KIF21A: variants seen among roughly 807,000 people sequenced by gnomAD.
KIF21A encodes the protein kinesin-like protein KIF21A.
KIF21A carries 114 observed loss-of-function variants against 202.9 expected under a neutral mutation model. The observed-to-expected ratio is 0.56, with a 90% CI of 0.48 to 0.66. The LOEUF (loss-of-function observed/expected upper bound fraction) is 0.66, where lower values mean the gene tolerates loss of function less well. Ranked by LOEUF, KIF21A falls within the 30% of genes least tolerant of loss-of-function variation. The probability of loss-of-function intolerance (pLI) is 0.00; values close to 1 mark genes in which losing one functional copy is unlikely to be tolerated. For missense variants in KIF21A, 1,677 were observed against 1,994.9 expected (o/e 0.84, Z 3.04); for synonymous variants, 667 against 670.8 (o/e 0.99, Z 0.09).
intron 26 of KIF21A, among the ~76,000 whole-genome samples, chr12:39,323,096 A>G (rs1326211682): frequency 2.0e-5 from 3 of 152,230 alleles, no homozygotes; most frequent in Non-Finnish European, 4.4e-5. Flanking sequence ...TTTGTATTGT[A>G]CTTATATGCC....
chr12:39,336,963 A>G, intron 17 of KIF21A, 133 bp downstream of exon 17: 1 of 662,886 alleles, frequency 1.5e-6, no homozygotes, highest in Non-Finnish European at 2.7e-6. Flanking sequence ...GACATTTTAT[A>G]AAGTGTATGC....
chr12:39,335,650 T>C (rs1384132070), intron 17 of KIF21A, among the ~76,000 whole-genome samples: 2 of 152,182 alleles, frequency 1.3e-5, no homozygotes, highest in African/African-American at 4.8e-5. Flanking sequence ...TTGTACACTT[T>C]AAAAGGTAAA....
At chr12:39,407,353 T>G (rs115713240) in intron 1 of KIF21A, among the ~76,000 whole-genome samples, 1 of 152,226 alleles carries the variant, frequency 6.6e-6, no homozygotes, top group Non-Finnish European at 1.5e-5. Context: ...AATATCCTTT[T>G]TGACAATCTC....
At chr12:39,398,396 T>C (rs1173872611) in intron 1 of KIF21A, among the ~76,000 whole-genome samples, 1 of 152,158 alleles carries the variant, frequency 6.6e-6, no homozygotes, top group Non-Finnish European at 1.5e-5. Flanking sequence ...GCTCAGGAGT[T>C]TGAGACCAGC....
chr12:39,421,422 G>C (rs1284666500), intron 1 of KIF21A, among the ~76,000 whole-genome samples: 1 of 152,176 alleles, frequency 6.6e-6, no homozygotes, highest in Non-Finnish European at 1.5e-5. Flanking sequence ...GCCGAGCGCA[G>C]TGGCTCAAGC....
chr12:39,419,248 T>C (rs1001874878), intron 1 of KIF21A, among the ~76,000 whole-genome samples: 1 of 152,154 alleles, frequency 6.6e-6, no homozygotes, highest in Non-Finnish European at 1.5e-5. Context: ...TTCATAAACT[T>C]TAGAGCCACA....
intron 1 of KIF21A, among the ~76,000 whole-genome samples, chr12:39,405,001 T>C (rs1952470681): frequency 6.6e-6 from 1 of 151,740 alleles, no homozygotes; most frequent in Non-Finnish European, 1.5e-5. Flanking sequence ...TAAAAAAATA[T>C]ATAGTAGAAT....
At chr12:39,396,758 TA>T (rs1341576036) in intron 1 of KIF21A, among the ~76,000 whole-genome samples, 2 of 152,196 alleles carry the variant, frequency 1.3e-5, no homozygotes, top group Non-Finnish European at 2.9e-5. Context: ...TAGAAATATG[TA>T]AATATTTGCA....
chr12:39,436,297 T>C (rs1938674029), intron 1 of KIF21A, among the ~76,000 whole-genome samples: 2 of 151,484 alleles, frequency 1.3e-5, no homozygotes, highest in Non-Finnish European at 2.9e-5. Flanking sequence ...AATCAATTCC[T>C]TTTAACTTTT....
At chr12:39,436,448 A>ATATATATTTTT (rs1387332677) in intron 1 of KIF21A, among the ~76,000 whole-genome samples, 16 of 95,764 alleles carry the variant, frequency 1.7e-4, no homozygotes, top group Non-Finnish European at 2.2e-4. Context: ...ATATATATAT[A>ATATATATTTTT]TTTTTTTTTT....
chr12:39,408,815 G>T (rs1952825045), intron 1 of KIF21A, among the ~76,000 whole-genome samples: 1 of 132,396 alleles, frequency 7.6e-6, no homozygotes, highest in Non-Finnish European at 1.5e-5. Flanking sequence ...GGCTTTTGTT[G>T]GTTTTTTTTT....
Position 39,369,884 on chromosome 12 carries a change from C to G in KIF21A, c.295G>C (p.Gly99Arg), listed in dbSNP as rs1949839293. 6.2e-7 allele frequency: 1 copy of G among 1,613,334 alleles called. No homozygotes were observed. Among genetic ancestry groups the G allele is most frequent in the Non-Finnish European group, 8.5e-7 (1 of 1,179,650 alleles). ...ACAATGTTAACATCAAATCCTGTTC[C>G]CATTGTGTATGTTTTACCAGCTCCA... is the stretch of plus-strand genomic sequence containing the variant. ...QTGAGKTYTM[G>R]TGFDVNIVEE... Residue 99 changes from glycine (G) to arginine (R), a missense_variant, in exon 3 of 38, where the codon GGA (glycine) becomes CGA (arginine). By Grantham distance (125) the Gly-to-Arg change is moderately radical (BLOSUM62 -2). Transcript: ENST00000361418.
chr12:39,317,724 T>G (rs146184080), intron 29 of KIF21A, among the ~76,000 whole-genome samples: 1,679 of 152,286 alleles, frequency 0.011, 40 homozygotes, highest in African/African-American at 0.036. Context: ...CTATCTAAAT[T>G]AGAGGCTTTT....
rs1229312475 is a variant in KIF21A at position 39,332,583 on chromosome 12, T to C, written c.2856+8A>G. 1 of 1,612,126 alleles carries C rather than the reference T, an allele frequency of 6.2e-7. No homozygotes were observed. The highest frequency in any genetic ancestry group is 1.3e-5 in the African/African-American group (1 of 74,566). ...AGGGGGAGCGTATCTACTCTCTATT[T>C]TCCACACCTTGAGGAGTCTATTCAT... On this transcript the variant is annotated splice_region_variant and intron_variant, in intron 20 of 37. Transcript: ENST00000361418.
intron 23 of KIF21A, 29 bp from the exon 24 acceptor site, chr12:39,330,291 A>G (rs1157949833): frequency 6.2e-7 from 1 of 1,605,352 alleles, no homozygotes. Context: ...AAAGGAAACA[A>G]AAAGCAATAC....
intron 1 of KIF21A, among the ~76,000 whole-genome samples, chr12:39,376,170 C>T (rs1039624990): frequency 2.6e-5 from 4 of 152,074 alleles, no homozygotes; most frequent in African/African-American, 4.8e-5. Flanking sequence ...AAGTGTAATA[C>T]AACAATTAAC....
intron 37 of KIF21A, among the ~76,000 whole-genome samples, chr12:39,295,972 A>T (rs1942300050): frequency 6.7e-6 from 1 of 148,704 alleles, no homozygotes; most frequent in South Asian, 2.2e-4. Flanking sequence ...TGCTGAGATA[A>T]CAGGCGTGAG....
Position 39,370,312 on chromosome 12 carries a change from AC to A in KIF21A, c.45-52del, listed in dbSNP as rs1392792039. 2.1e-6 allele frequency: 3 copies of A among 1,407,840 alleles called. No individual in the cohort carries two copies. The African/African-American group carries it at 4.3e-5, about 20-fold the overall frequency. The allele number at this position is 1,407,840 out of a possible 1,614,324, so 87.2% of individuals were successfully genotyped here. On this transcript the variant is annotated intron_variant, in intron 1 of 37. Transcript: ENST00000361418. ...AAAATAAAATAAATGGCAAAAAAAA[AC>A]CTCTCAAAAAATAGGACTTAAAAAC...
chr12:39,386,014 G>A (rs1344246372), intron 1 of KIF21A, among the ~76,000 whole-genome samples: 3 of 152,078 alleles, frequency 2.0e-5, no homozygotes, highest in Non-Finnish European at 2.9e-5. Flanking sequence ...TATTTGTTCT[G>A]GGTTTTGTTT....
Sources: allele counts gnomAD v4.1 joint callset (sites outside exome capture counted in the v4.1 genomes callset), GRCh38; gene constraint gnomAD v4.1.1; transcripts MANE v1.5; gene names NCBI Gene and HGNC (gene_info 2026-07-23, HGNC 2026-07-21).